CDCP1: variants seen among roughly 807,000 people sequenced by gnomAD.
CDCP1 encodes CUB domain containing protein 1, also known as CUB domain-containing protein 1.
A neutral mutation model predicts 60.2 loss-of-function variants in CDCP1; 29 were observed. The observed-to-expected ratio is 0.48, with a 90% CI of 0.36 to 0.66. CDCP1 has a LOEUF of 0.66. Ranked by LOEUF, CDCP1 falls within the 30% of genes least tolerant of loss-of-function variation. CDCP1 has a pLI of 0.00. For missense variants in CDCP1, 876 were observed against 1,074.3 expected (o/e 0.82, Z 2.58); for synonymous variants, 387 against 431.1 (o/e 0.90, Z 1.27).
chr3:45,088,605 C>T (rs1231230403), intron 8 of CDCP1, among the ~76,000 whole-genome samples: 1 of 152,250 alleles, frequency 6.6e-6, no homozygotes, highest in Admixed American at 6.5e-5. Flanking sequence ...TGGAGCCCAA[C>T]AGGCAAGGAT....
intron 8 of CDCP1, among the ~76,000 whole-genome samples, chr3:45,088,726 G>A (rs1268103494): frequency 3.3e-5 from 5 of 152,166 alleles, no homozygotes; most frequent in East Asian, 1.9e-4. Flanking sequence ...CAGAGCCTAC[G>A]TGAGCATTTT....
intron 1 of CDCP1, among the ~76,000 whole-genome samples, chr3:45,132,731 C>T (rs1488339757): frequency 6.6e-6 from 1 of 152,224 alleles, no homozygotes; most frequent in Non-Finnish European, 1.5e-5. Context: ...AATGAGACCA[C>T]ATGTGCAAAG....
intron 2 of CDCP1, among the ~76,000 whole-genome samples, chr3:45,113,620 C>A (rs1698735415): frequency 6.6e-6 from 1 of 152,132 alleles, no homozygotes; most frequent in Non-Finnish European, 1.5e-5. Flanking sequence ...GTCATCCAAG[C>A]CAGACCTCTA....
intron 4 of CDCP1, among the ~76,000 whole-genome samples, chr3:45,100,574 G>T (rs1324160846): frequency 1.3e-5 from 2 of 152,126 alleles, no homozygotes; most frequent in Non-Finnish European, 2.9e-5. Context: ...ACATCTGCTG[G>T]ATCAGTTACC....
chr3:45,117,627 C>T (rs558786980), intron 2 of CDCP1, among the ~76,000 whole-genome samples: 8 of 147,910 alleles, frequency 5.4e-5, no homozygotes, highest in South Asian at 2.1e-4. Flanking sequence ...GACGTAGTCT[C>T]GCTCTGTCAC....
rs143614431 is a variant in CDCP1, at chr3:45,112,117, G to A, written c.621C>T (p.Ser207=). 1.2e-5 allele frequency: 20 copies of A among 1,613,922 alleles called. No individual in the cohort carries two copies. The highest frequency in any genetic ancestry group is 3.3e-5 in the Admixed American group (2 of 59,998). ...HLPWFHPRNV[S]GFSIANRSSI... ...ATGAGCGGTTTGCAATGCTGAAGCC[G>A]GAGACATTTCTGGGGTGGAACCATG... Residue 207 remains serine (S), a synonymous_variant, in exon 3 of 9, where the codon TCC becomes TCT. Transcript: ENST00000296129.
At chr3:45,134,030 A>AT (rs1308489185) in intron 1 of CDCP1, among the ~76,000 whole-genome samples, 2 of 152,106 alleles carry the variant, frequency 1.3e-5, no homozygotes, top group Admixed American at 6.5e-5. Context: ...GGAAGGACAG[A>AT]TTGCAGCACC....
At chr3:45,095,949 T>C (rs1698389672) in intron 4 of CDCP1, among the ~76,000 whole-genome samples, 1 of 152,196 alleles carries the variant, frequency 6.6e-6, no homozygotes, top group Non-Finnish European at 1.5e-5. Context: ...AAAGGAGATA[T>C]AAATGACTAA....
intron 2 of CDCP1, among the ~76,000 whole-genome samples, chr3:45,113,604 T>G (rs988319173): frequency 7.2e-5 from 11 of 152,182 alleles, no homozygotes; most frequent in Non-Finnish European, 1.5e-4. Flanking sequence ...GTCTTGGATC[T>G]CTGAGGTCAT....
Position 45,091,601 on chromosome 3 carries a change from A to G in CDCP1, c.1628-63T>C. On this transcript the variant is annotated intron_variant, in intron 6 of 8. Coordinates refer to ENST00000296129, the MANE Select transcript of CDCP1 (RefSeq NM_022842.5). This position sits in a 1 kb window ranked among gnomAD's most constrained non-coding sequence, Gnocchi z 4.8. ...TTCAGTCAACATGGAGAGGAAAGGGAGTGGTGGAGGAGACGAAGTCCAACT... is the reference window on the plus strand; with the variant it reads ...TTCAGTCAACATGGAGAGGAAAGGGGGTGGTGGAGGAGACGAAGTCCAACT... The G allele has an allele frequency of 6.6e-7, 1 of 1,507,886 alleles. No individual in the cohort carries two copies. The highest frequency in any genetic ancestry group is 8.9e-7 in the Non-Finnish European group (1 of 1,129,814). The allele number at this position is 1,507,886 out of a possible 1,614,324, so 93.4% of individuals were successfully genotyped here.
chr3:45,140,709 C>T (rs1699274411), intron 1 of CDCP1, among the ~76,000 whole-genome samples: 1 of 152,212 alleles, frequency 6.6e-6, no homozygotes, highest in African/African-American at 2.4e-5. Flanking sequence ...CCACCTCTCC[C>T]ATTTACATTT....
At chr3:45,143,997 G>C (rs1314647365) in intron 1 of CDCP1, among the ~76,000 whole-genome samples, 1 of 152,164 alleles carries the variant, frequency 6.6e-6, no homozygotes, top group Non-Finnish European at 1.5e-5. Flanking sequence ...AAGAGACAAT[G>C]GTGGCAAGAT....
chr3:45,109,578 A>G (rs1000327304), intron 4 of CDCP1, among the ~76,000 whole-genome samples: 10 of 152,090 alleles, frequency 6.6e-5, no homozygotes, highest in African/African-American at 1.7e-4. Flanking sequence ...AGGCCCAGGA[A>G]GAGCCAGTCT....
chr3:45,108,953 A>ATATATATATATTTTT lies in CDCP1; in HGVS notation c.1024+1519_1024+1520insAAAAATATATATATA, dbSNP rs1401302861. Among the ~76,000 whole-genome samples the ATATATATATATTTTT allele has an allele frequency of 7.3e-5, 3 of 41,134 alleles. 1 individual carries two copies. The highest frequency in any genetic ancestry group is 1.4e-4 in the Non-Finnish European group (3 of 21,462). The allele number at this position is 41,134 out of a possible 152,430, so 27.0% of individuals were successfully genotyped here. A position where few individuals can be genotyped will look rare whatever the true frequency, so the allele number is the denominator to read the frequency against. ...CATGTATACATATATATATATATATATTTTTTTTTTTTTTGAGATGGAGTC... is the reference window on the plus strand; with the variant it reads ...CATGTATACATATATATATATATATATATATATATATTTTTTTTTTTTTTTTTTTGAGATGGAGTC... On this transcript the variant is annotated intron_variant, in intron 4 of 8. Transcript: ENST00000296129.
chr3:45,134,457 A>G (rs1009019792), intron 1 of CDCP1, among the ~76,000 whole-genome samples: 2 of 151,994 alleles, frequency 1.3e-5, no homozygotes, highest in African/African-American at 4.8e-5. Flanking sequence ...CAAAGCCCCA[A>G]CCTCTTGATC....
Position 45,121,229 on chromosome 3 carries a change from A to AG in CDCP1, c.83-2609dup, listed in dbSNP as rs561786010. ...ATAGCTTGAGAGAGAATATATTCTC[A>AG]GGGGCAGAAGTTTTATTTGCTCAAA... On this transcript the variant is annotated intron_variant, in intron 1 of 8. Transcript: ENST00000296129. Among the ~76,000 whole-genome samples the AG allele has an allele frequency of 3.4e-3, 514 of 152,368 alleles. 6 individuals carry two copies. The highest frequency in any genetic ancestry group is 4.5e-3 in the Non-Finnish European group (309 of 68,032).
intron 1 of CDCP1, among the ~76,000 whole-genome samples, chr3:45,127,538 A>G (rs1260342426): frequency 3.3e-5 from 5 of 152,264 alleles, no homozygotes; most frequent in Non-Finnish European, 5.9e-5. Context: ...ACAGCTGTCA[A>G]TGAGACTCAT....
At chr3:45,134,571 C>G (rs1699162048) in intron 1 of CDCP1, among the ~76,000 whole-genome samples, 1 of 151,402 alleles carries the variant, frequency 6.6e-6, no homozygotes, top group African/African-American at 2.4e-5. Flanking sequence ...TTTTAGGGAC[C>G]AGGGATTAAC....
At position 45,146,298 on chromosome 3, in the gene CDCP1, C is replaced by A. The variant is rs377503978; in HGVS notation, c.-11G>T. The A allele has an allele frequency of 6.4e-7, 1 of 1,562,948 alleles. No homozygotes were observed. The highest frequency in any genetic ancestry group is 8.6e-7 in the Non-Finnish European group (1 of 1,158,860). ...GTTCAGGCCGGCCATGACTCCGGGA[C>A]GCCTCGGCCTCGGTGGGGAAAACGA... is the stretch of plus-strand genomic sequence containing the variant. On this transcript the variant is annotated 5_prime_UTR_variant, in exon 1 of 9. Transcript: ENST00000296129.
Sources: allele counts gnomAD v4.1 joint callset (sites outside exome capture counted in the v4.1 genomes callset), GRCh38; gene constraint gnomAD v4.1.1; non-coding constraint Gnocchi (gnomAD v3.1); transcripts MANE v1.5; gene names NCBI Gene and HGNC (gene_info 2026-07-23, HGNC 2026-07-21).